Variants in DYM observed in about 807,000 individuals in gnomAD.
DYM encodes the protein dymeclin, also known as dyggve-Melchior-Clausen syndrome protein.
A neutral mutation model predicts 93.1 loss-of-function variants in DYM; 78 were observed. That is an observed-to-expected ratio of 0.84 (90% CI 0.70 to 1.01). DYM has a LOEUF of 1.01. Among genes scored for constraint, DYM ranks in the 50% least tolerant of loss-of-function variants. The pLI is 0.00. For missense variants in DYM, 789 were observed against 845.0 expected (o/e 0.93, Z 0.82); for synonymous variants, 321 against 319.7 (o/e 1.00, Z -0.04).
intron 7 of DYM, among the ~76,000 whole-genome samples, chr18:49,332,339 C>T (rs748401423): frequency 7.9e-5 from 12 of 152,088 alleles, no homozygotes; most frequent in Non-Finnish European, 1.3e-4. Flanking sequence ...TAAACTCAAG[C>T]GATCCTCCCG....
intron 17 of DYM, among the ~76,000 whole-genome samples, chr18:49,079,451 G>T (rs1403991782): frequency 6.6e-6 from 1 of 151,528 alleles, no homozygotes; most frequent in Non-Finnish European, 1.5e-5. Flanking sequence ...GTTTCTCGCA[G>T]AGGGGGATTT....
chr18:49,205,244 G>T (rs2092410644), intron 14 of DYM, among the ~76,000 whole-genome samples: 1 of 152,190 alleles, frequency 6.6e-6, no homozygotes, highest in Admixed American at 6.5e-5. Flanking sequence ...TTACAGGCGT[G>T]AGTCACTGTG....
At chr18:49,406,386 C>A (rs1268326338) in intron 2 of DYM, among the ~76,000 whole-genome samples, 1 of 151,970 alleles carries the variant, frequency 6.6e-6, no homozygotes, top group South Asian at 2.1e-4. Context: ...AGTGGTGAAA[C>A]CCCGTCTCTA....
At chr18:49,123,555 C>G (rs2146081889) in intron 15 of DYM, among the ~76,000 whole-genome samples, 1 of 152,334 alleles carries the variant, frequency 6.6e-6, no homozygotes, top group Non-Finnish European at 1.5e-5. Context: ...GTCTGGCCTA[C>G]AGTAGCTGAG....
chr18:49,427,925 A>C (rs933631068), intron 2 of DYM, among the ~76,000 whole-genome samples: 2 of 152,062 alleles, frequency 1.3e-5, no homozygotes, highest in Non-Finnish European at 2.9e-5. Context: ...TTATGTCTAC[A>C]AAAGATTTTT....
chr18:49,439,715 G>A (rs2081162059), intron 1 of DYM, among the ~76,000 whole-genome samples: 1 of 151,982 alleles, frequency 6.6e-6, no homozygotes. Flanking sequence ...AAAAATACTT[G>A]GTAACAGGCC....
Position 49,097,413 on chromosome 18 carries a change from C to G in DYM, c.2014G>C (p.Asp672His). The G allele has an allele frequency of 6.2e-7, 1 of 1,613,974 alleles. No individual in the cohort carries two copies. The highest frequency in any genetic ancestry group is 8.5e-7 in the Non-Finnish European group (1 of 1,179,888). ...IKQGVVALPK[D>H]RLKKFPELKF... is the part of the protein sequence containing the mutation. Reference sequence around the variant, plus strand: ...TTTAGCCTTCTTACCTTCAGTCTGTCTTTGGGCAGCGCAACGACGCCTTGC... The same window carrying G: ...TTTAGCCTTCTTACCTTCAGTCTGTGTTTGGGCAGCGCAACGACGCCTTGC... Residue 672 changes from aspartate to histidine, a missense_variant, in exon 17 of 18, where the codon GAC (aspartate) becomes CAC (histidine). Physicochemically the swap from Asp to His is moderately conservative, Grantham distance 81. Transcript: ENST00000675505.
In DYM at chr18:49,044,129, G is replaced by C. The variant is rs376208745; in HGVS notation, c.2101C>G (p.Leu701Val). Residue 701 changes from leucine (L) to valine (V), a missense_variant, in exon 18 of 18, where the codon CTT becomes GTT. Physicochemically the swap from Leu to Val is conservative, Grantham distance 32. Transcript: ENST00000675505. ...AGGCCGACTGCTGAGTTGTAGACAAGAGACCAGACATAGGGGATAAAAAAC... is the reference window on the plus strand; with the variant it reads ...AGGCCGACTGCTGAGTTGTAGACAACAGACCAGACATAGGGGATAAAAAAC... ...EEFFIPYVWS[L>V]VYNSAVGLYW... 6.2e-7 allele frequency: 1 copy of C among 1,614,040 alleles called. No homozygotes were observed. The highest frequency in any genetic ancestry group is 1.3e-5 in the African/African-American group (1 of 74,928).
intron 1 of DYM, among the ~76,000 whole-genome samples, chr18:49,439,873 A>T (rs1020954879): frequency 1.1e-4 from 16 of 151,998 alleles, no homozygotes; most frequent in African/African-American, 3.6e-4. Context: ...AACACAGCTA[A>T]TAAGCCTGTA....
chr18:49,188,537 T>C (rs963174846), intron 14 of DYM, among the ~76,000 whole-genome samples: 7 of 152,108 alleles, frequency 4.6e-5, no homozygotes, highest in Non-Finnish European at 4.4e-5. Context: ...ATGTCCTTTG[T>C]AGGGACATGG....
chr18:49,326,084 A>G (rs1233873285), intron 8 of DYM, among the ~76,000 whole-genome samples: 1 of 152,234 alleles, frequency 6.6e-6, no homozygotes, highest in African/African-American at 2.4e-5. Flanking sequence ...TGAAGGTGCG[A>G]ATTACCAGGT....
chr18:49,187,482 A>T (rs1394512867), intron 14 of DYM, among the ~76,000 whole-genome samples: 1 of 152,224 alleles, frequency 6.6e-6, no homozygotes, highest in Non-Finnish European at 1.5e-5. Flanking sequence ...TCCCATTAAC[A>T]TATTTTTCAG....
chr18:49,058,090 C>A (rs1043427904), intron 17 of DYM, among the ~76,000 whole-genome samples: 1 of 152,240 alleles, frequency 6.6e-6, no homozygotes, highest in African/African-American at 2.4e-5. Flanking sequence ...AGTCCATCTT[C>A]TGCCTTGGAA....
chr18:49,351,114 T>C (rs1395891740), intron 6 of DYM, among the ~76,000 whole-genome samples: 1 of 152,136 alleles, frequency 6.6e-6, no homozygotes, highest in South Asian at 2.1e-4. Context: ...ACATGAGTTT[T>C]AGAGAGACTT....
intron 13 of DYM, among the ~76,000 whole-genome samples, chr18:49,217,451 G>T (rs1280966597): frequency 6.6e-6 from 1 of 152,052 alleles, no homozygotes; most frequent in Non-Finnish European, 1.5e-5. Flanking sequence ...ACACATAATT[G>T]TCAGATTCAC....
intron 8 of DYM, among the ~76,000 whole-genome samples, chr18:49,322,529 C>T (rs2146616843): frequency 6.6e-6 from 1 of 152,014 alleles, no homozygotes; most frequent in East Asian, 1.9e-4. Context: ...AATGTTACAA[C>T]TTATTTCACC....
At chr18:49,270,766 T>C (rs1305473017) in intron 11 of DYM, among the ~76,000 whole-genome samples, 2 of 152,172 alleles carry the variant, frequency 1.3e-5, no homozygotes, top group African/African-American at 2.4e-5. Context: ...TAAATCTTAG[T>C]TGAAATTATG....
chr18:49,065,106 T>C (rs1052328181), intron 17 of DYM, among the ~76,000 whole-genome samples: 3 of 152,090 alleles, frequency 2.0e-5, no homozygotes, highest in African/African-American at 7.2e-5. Context: ...AGAGAGTAAC[T>C]AAAAAATACA....
chr18:49,181,645 G>C (rs1229438058), intron 14 of DYM, among the ~76,000 whole-genome samples: 1 of 152,038 alleles, frequency 6.6e-6, no homozygotes, highest in Non-Finnish European at 1.5e-5. Flanking sequence ...GAGCATTTTG[G>C]ATTTTTAGAT....
Sources: gnomAD v4.1 joint callset for allele counts (sites outside exome capture counted in the v4.1 genomes callset) on GRCh38, gnomAD v4.1.1 for gene constraint, MANE v1.5 for transcripts, NCBI Gene and HGNC (gene_info 2026-07-23, HGNC 2026-07-21) for gene names.